Variants in QSER1 observed in about 807,000 individuals in gnomAD.
The protein encoded by QSER1 is glutamine and serine-rich protein 1.
A neutral mutation model predicts 158.5 loss-of-function variants in QSER1; 49 were observed. The observed-to-expected ratio is 0.31, with a 90% CI of 0.25 to 0.39. The LOEUF (loss-of-function observed/expected upper bound fraction) is 0.39. QSER1 is among the 10% of genes least tolerant of loss of function. The pLI is 1.00. For synonymous variants in QSER1, 650 were observed against 715.5 expected, an observed-to-expected ratio of 0.91 and a Z score of 1.46; for missense variants, 1,754 against 2,010.3, an observed-to-expected ratio of 0.87 and a Z score of 2.44.
Position 32,979,606 on chromosome 11 carries a change from A to G in QSER1, c.*3132A>G, listed in dbSNP as rs1194879685. ...AATCTTATTTTAAAATGGCTTAGAA[A>G]GTTTTCAGATTACTTTGAAAATTCT... On this transcript the variant is annotated 3_prime_UTR_variant, in exon 13 of 13. Transcript: ENST00000650167. The G allele has an allele frequency of 6.6e-6, 1 of 152,190 alleles. No individual in the cohort carries two copies. Among genetic ancestry groups the G allele is most frequent in the Non-Finnish European group, 1.5e-5 (1 of 68,030 alleles). The allele number at this position is 152,190 out of a possible 1,614,324, so 9.4% of individuals were successfully genotyped here.
rs759194394 is a variant in QSER1 at position 32,954,135 on chromosome 11, C to T, written c.4456C>T (p.Arg1486Cys). ...CGGAGGAGAAGGCCAATACAGAGAG[C>T]GTGATGAATTTGTGGTAAAGATAGA... ...ESGGEGQYRE[R>C]DEFVVKIEDI... Residue 1486 changes from arginine to cysteine, a missense_variant, in exon 5 of 13, where the codon CGT (arginine) becomes TGT (cysteine). Physicochemically the swap from Arg to Cys is radical, Grantham distance 180. Coordinates refer to ENST00000650167, the MANE Select transcript of QSER1 (RefSeq NM_001076786.3). 3.7e-6 allele frequency: 6 copies of T among 1,613,594 alleles called. No individual in the cohort carries two copies. The highest frequency in any genetic ancestry group is 4.2e-6 in the Non-Finnish European group (5 of 1,179,864).
chr11:32,977,796 T>C lies in QSER1; in HGVS notation c.*1322T>C, dbSNP rs1853003314. 6.6e-6 allele frequency: 1 copy of C among 152,668 alleles called. No individual in the cohort carries two copies. The highest frequency in any genetic ancestry group is 1.5e-5 in the Non-Finnish European group (1 of 68,030). 9.5% of individuals were successfully genotyped at this position (152,668 alleles called of 1,614,324 possible). A position where few individuals can be genotyped will look rare whatever the true frequency, so the allele number is the denominator to read the frequency against. ...AAGATGTACTAGTGTCATTCTAAACTATCTCCTTTTTTAGGATTCTAAAGA... is the reference window on the plus strand; with the variant it reads ...AAGATGTACTAGTGTCATTCTAAACCATCTCCTTTTTTAGGATTCTAAAGA... On this transcript the variant is annotated 3_prime_UTR_variant, in exon 13 of 13. Transcript: ENST00000650167.
At chr11:32,969,620 T>A (rs1367305530) in intron 10 of QSER1, among the ~76,000 whole-genome samples, 1 of 151,920 alleles carries the variant, frequency 6.6e-6, no homozygotes, top group Non-Finnish European at 1.5e-5. Flanking sequence ...TAAACTCAAC[T>A]CAGATAATTT....
In QSER1 at chr11:32,977,877, C is replaced by G. The variant is rs1212615240; in HGVS notation, c.*1403C>G. ...CACCATTTAGTGCCTTAAATCCTAT[C>G]AAGAAAGCAGTGTTACTGCTCAATG... is the stretch of plus-strand genomic sequence containing the variant. On this transcript the variant is annotated 3_prime_UTR_variant, in exon 13 of 13. Coordinates refer to ENST00000650167, the MANE Select transcript of QSER1 (RefSeq NM_001076786.3). 1.3e-5 allele frequency: 2 copies of G among 152,574 alleles called. No homozygotes were observed. Among genetic ancestry groups the G allele is most frequent in the African/African-American group, 2.4e-5 (1 of 41,424 alleles). 9.5% of individuals were successfully genotyped at this position (152,574 alleles called of 1,614,324 possible). A position where few individuals can be genotyped will look rare whatever the true frequency, so the allele number is the denominator to read the frequency against.
intron 4 of QSER1, among the ~76,000 whole-genome samples, chr11:32,944,754 A>G (rs1234166851): frequency 6.0e-5 from 8 of 133,326 alleles, no homozygotes; most frequent in African/African-American, 2.1e-4. Flanking sequence ...TATTAGGTCC[A>G]CTTGGTGCAG....
intron 1 of QSER1, among the ~76,000 whole-genome samples, chr11:32,907,175 T>A (rs1357249030): frequency 6.6e-6 from 1 of 152,212 alleles, no homozygotes. Flanking sequence ...CTTTTTAAGC[T>A]TCTAGATGAT....
At position 32,978,813 on chromosome 11, in the gene QSER1, T is replaced by TAGAGA. The variant is rs1398282512; in HGVS notation, c.*2341_*2345dup. ...AGGCAAAGATGTCAACCTCAGGCCT[T>TAGAGA]AGAGAAAAGTGGAAATGTTATTATG... On this transcript the variant is annotated 3_prime_UTR_variant, in exon 13 of 13. Coordinates refer to ENST00000650167, the MANE Select transcript of QSER1 (RefSeq NM_001076786.3). The TAGAGA allele has an allele frequency of 2.6e-5, 4 of 152,178 alleles. No homozygotes were observed. Among genetic ancestry groups the TAGAGA allele is most frequent in the African/African-American group, 9.7e-5 (4 of 41,434 alleles). 9.4% of individuals were successfully genotyped at this position (152,178 alleles called of 1,614,324 possible). A position where few individuals can be genotyped will look rare whatever the true frequency, so the allele number is the denominator to read the frequency against.
At chr11:32,921,439 G>T (rs1851898736) in intron 1 of QSER1, among the ~76,000 whole-genome samples, 1 of 152,182 alleles carries the variant, frequency 6.6e-6, no homozygotes, top group Non-Finnish European at 1.5e-5. Flanking sequence ...AGTTGGACAA[G>T]TCTGAATATT....
chr11:32,935,603 A>G (rs1852141148), intron 4 of QSER1, among the ~76,000 whole-genome samples, 168 bp downstream of exon 4: 1 of 152,196 alleles, frequency 6.6e-6, no homozygotes, highest in Non-Finnish European at 1.5e-5. Context: ...TCTTGCCTAT[A>G]GGAAAGGTCT....
chr11:32,919,857 A>G (rs1217295748), intron 1 of QSER1, among the ~76,000 whole-genome samples: 1 of 152,202 alleles, frequency 6.6e-6, no homozygotes, highest in Non-Finnish European at 1.5e-5. Context: ...AGCCAGTACT[A>G]TTTTGTTGCT....
rs567781600 is a variant in QSER1, at chr11:32,978,370, A to C, written c.*1896A>C. 6.6e-6 allele frequency: 1 copy of C among 152,332 alleles called. No individual in the cohort carries two copies. Among genetic ancestry groups the C allele is most frequent in the East Asian group, 1.9e-4 (1 of 5,184 alleles). The allele number at this position is 152,332 out of a possible 1,614,324, so 9.4% of individuals were successfully genotyped here. A position where few individuals can be genotyped will look rare whatever the true frequency, so the allele number is the denominator to read the frequency against. Reference sequence around the variant, plus strand: ...ATAGTATTGACTCTGGACAGAATTGATGTCTTTCGTTTCCAAAGTGCAGAG... The same window carrying C: ...ATAGTATTGACTCTGGACAGAATTGCTGTCTTTCGTTTCCAAAGTGCAGAG... On this transcript the variant is annotated 3_prime_UTR_variant, in exon 13 of 13. Coordinates refer to ENST00000650167, the MANE Select transcript of QSER1 (RefSeq NM_001076786.3).
intron 4 of QSER1, among the ~76,000 whole-genome samples, chr11:32,953,212 T>C (rs1852453315): frequency 1.3e-5 from 2 of 152,008 alleles, no homozygotes. Flanking sequence ...TCATTTTAAT[T>C]TTGATAGCTT....
chr11:32,893,538 C>G lies in QSER1; in HGVS notation c.209+204C>G, dbSNP rs1004639609. On this transcript the variant is annotated intron_variant, in intron 1 of 12. Coordinates refer to ENST00000650167, the MANE Select transcript of QSER1 (RefSeq NM_001076786.3). This position sits in a 1 kb window ranked among gnomAD's most constrained non-coding sequence, Gnocchi z 4.7. The stretch of plus-strand genomic sequence containing the variant: ...GGGGCGCCCGGTGCAGGATTCGCGC[C>G]TGGGGACGGCGGGTGAAGGAATAGC... 6.6e-6 allele frequency among the ~76,000 whole-genome samples: 1 copy of G among 152,148 alleles called. No individual in the cohort carries two copies. The highest frequency in any genetic ancestry group is 1.5e-5 in the Non-Finnish European group (1 of 68,018).
At chr11:32,920,798 G>A (rs1851890404) in intron 1 of QSER1, among the ~76,000 whole-genome samples, 1 of 152,158 alleles carries the variant, frequency 6.6e-6, no homozygotes. Context: ...ATGCAAATCA[G>A]AACCACTCCA....
chr11:32,919,559 C>G (rs757340582), intron 1 of QSER1, among the ~76,000 whole-genome samples: 5 of 152,156 alleles, frequency 3.3e-5, no homozygotes, highest in Non-Finnish European at 7.4e-5. Context: ...ATACTATCAA[C>G]GTGATTTATC....
rs189378162 is a variant in QSER1 at position 32,930,123 on chromosome 11, G to A, written c.485-1620G>A. ...AGTTAAATGTCGGTTCTTTATTACT[G>A]TTTACTTATTATGTTTTAAACCCCC... On this transcript the variant is annotated intron_variant, in intron 3 of 12. Coordinates refer to ENST00000650167, the MANE Select transcript of QSER1 (RefSeq NM_001076786.3). Among the ~76,000 whole-genome samples, 3 of 152,086 alleles carry A rather than the reference G, an allele frequency of 2.0e-5. No homozygotes were observed. The East Asian group carries it at 5.8e-4, about 29-fold the overall frequency.
chr11:32,894,953 T>C (rs533573019), intron 1 of QSER1, among the ~76,000 whole-genome samples: 11 of 152,366 alleles, frequency 7.2e-5, no homozygotes, highest in African/African-American at 2.4e-4. Context: ...AAAATTACTT[T>C]CTCATCATTG....
intron 3 of QSER1, among the ~76,000 whole-genome samples, chr11:32,930,760 A>C (rs950634002): frequency 2.0e-5 from 3 of 152,194 alleles, no homozygotes; most frequent in Admixed American, 1.3e-4. Context: ...TATCTGGTAC[A>C]AATATTTTTG....
At chr11:32,958,958 T>A (rs1379144254) in intron 8 of QSER1, among the ~76,000 whole-genome samples, 1 of 152,220 alleles carries the variant, frequency 6.6e-6, no homozygotes, top group Admixed American at 6.5e-5. Flanking sequence ...TTCTTAAAAA[T>A]TATTGAGGAT....
Sources: allele counts gnomAD v4.1 joint callset (sites outside exome capture counted in the v4.1 genomes callset), GRCh38; gene constraint gnomAD v4.1.1; non-coding constraint Gnocchi (gnomAD v3.1); transcripts MANE v1.5; gene names NCBI Gene and HGNC (gene_info 2026-07-23, HGNC 2026-07-21).